CHSY3: variants seen among roughly 807,000 people sequenced by gnomAD.
CHSY3 encodes N-acetylgalactosaminyl-proteoglycan 3-beta-glucuronosyltransferase 3.
In CHSY3, 35 loss-of-function variants were observed where a neutral mutation model predicts 67.2. The ratio of observed to expected loss-of-function variants is 0.52; its 90% CI spans 0.40 to 0.69. The LOEUF (loss-of-function observed/expected upper bound fraction) is 0.69. CHSY3 is among the 30% of genes least tolerant of loss of function. The pLI, the probability that CHSY3 is intolerant of heterozygous loss-of-function variation, is 0.00. For synonymous variants in CHSY3, 474 were observed against 434.7 expected, an observed-to-expected ratio of 1.09 and a Z score of -1.12; for missense variants, 1,069 against 1,138.5, an observed-to-expected ratio of 0.94 and a Z score of 0.88.
intron 2 of CHSY3, among the ~76,000 whole-genome samples, chr5:130,181,975 T>C (rs988602978): frequency 7.5e-6 from 1 of 133,546 alleles, no homozygotes; most frequent in Non-Finnish European, 1.6e-5. Flanking sequence ...AATTATTCTA[T>C]ATATATTTAG....
rs548593485 is a variant in CHSY3, at chr5:129,918,681, T to A, written c.1086+10321T>A. Among the ~76,000 whole-genome samples the A allele has an allele frequency of 7.2e-5, 11 of 152,274 alleles. 1 individual carries two copies. In the East Asian group the frequency reaches 2.1e-3, roughly 29 times the overall value. ...AGAATAGTACACTGGATAATGTGTT[T>A]GGTTCCAGCATATGTACAGGTGGGA... is the stretch of plus-strand genomic sequence containing the variant. On this transcript the variant is annotated intron_variant, in intron 2 of 2. Coordinates refer to ENST00000305031, the MANE Select transcript of CHSY3 (RefSeq NM_175856.5).
At chr5:129,932,037 T>G (rs1230495629) in intron 2 of CHSY3, among the ~76,000 whole-genome samples, 1 of 150,650 alleles carries the variant, frequency 6.6e-6, no homozygotes, top group Non-Finnish European at 1.5e-5. Flanking sequence ...TGTATTTGTA[T>G]GTAAACAGTA....
At chr5:129,979,449 CTT>C (rs34149547) in intron 2 of CHSY3, among the ~76,000 whole-genome samples, 1 of 150,758 alleles carries the variant, frequency 6.6e-6, no homozygotes, top group Non-Finnish European at 1.5e-5. Flanking sequence ...TCTGGCCTTC[CTT>C]TTTTTTTAAA....
At chr5:129,964,473 G>A (rs1339318385) in intron 2 of CHSY3, among the ~76,000 whole-genome samples, 1 of 151,732 alleles carries the variant, frequency 6.6e-6, no homozygotes, top group Non-Finnish European at 1.5e-5. Context: ...CGAAGCTAGG[G>A]GCTAACACAG....
At chr5:129,933,602 A>G (rs991617935) in intron 2 of CHSY3, among the ~76,000 whole-genome samples, 3 of 152,164 alleles carry the variant, frequency 2.0e-5, no homozygotes, top group African/African-American at 7.2e-5. Flanking sequence ...TTGTGTACAG[A>G]ATCATTAGGT....
chr5:130,137,853 A>G (rs1378199029), intron 2 of CHSY3, among the ~76,000 whole-genome samples: 2 of 152,210 alleles, frequency 1.3e-5, no homozygotes, highest in Non-Finnish European at 1.5e-5. Flanking sequence ...TACCCAATCT[A>G]AAGAGTCCAG....
chr5:129,905,157 C>A lies in CHSY3; in HGVS notation c.328C>A (p.Gln110Lys). The A allele has an allele frequency of 4.6e-6, 7 of 1,528,046 alleles. No homozygotes were observed. The highest frequency in any genetic ancestry group is 1.2e-5 in the South Asian group (1 of 82,946). 94.7% of individuals were successfully genotyped at this position (1,528,046 alleles called of 1,614,324 possible). Residue 110 changes from glutamine to lysine, a missense_variant, in exon 1 of 3, where the codon CAG becomes AAG. Gln to Lys is a moderately conservative substitution (Grantham distance 53, BLOSUM62 1). Transcript: ENST00000305031. ...CCCCTGGCAGCAGCCACCTCCGCTG[C>A]AGCAGCGGCGGCGAGGACGCGAGCC... ...SSPWQQPPPL[Q>K]QRRRGREPEG...
intron 2 of CHSY3, among the ~76,000 whole-genome samples, chr5:130,051,921 A>G (rs1765370342): frequency 6.7e-6 from 1 of 148,582 alleles, no homozygotes; most frequent in Admixed American, 6.8e-5. Context: ...GGGAATGACA[A>G]CTGTGTGCAT....
intron 2 of CHSY3, among the ~76,000 whole-genome samples, chr5:130,065,056 G>C (rs1765839555): frequency 6.6e-6 from 1 of 152,128 alleles, no homozygotes; most frequent in Admixed American, 6.6e-5. Flanking sequence ...CTTGGTTTCT[G>C]TAACTCATTC....
chr5:129,986,216 T>C (rs538785442), intron 2 of CHSY3, among the ~76,000 whole-genome samples: 1 of 152,264 alleles, frequency 6.6e-6, no homozygotes, highest in African/African-American at 2.4e-5. Flanking sequence ...GCCTAGTTTA[T>C]TGAGGGTTTT....
At chr5:129,937,349 C>A (rs752494056) in intron 2 of CHSY3, among the ~76,000 whole-genome samples, 2 of 152,122 alleles carry the variant, frequency 1.3e-5, no homozygotes, top group Non-Finnish European at 2.9e-5. Context: ...AGAACTATAT[C>A]AGGAGACAGC....
intron 2 of CHSY3, among the ~76,000 whole-genome samples, chr5:129,938,412 C>T (rs1369381219): frequency 2.0e-5 from 3 of 152,214 alleles, no homozygotes; most frequent in Non-Finnish European, 4.4e-5. Context: ...TGAATTTCTC[C>T]CCAGAAAATG....
intron 2 of CHSY3, among the ~76,000 whole-genome samples, chr5:130,093,665 A>G (rs1233087464): frequency 6.6e-6 from 1 of 152,158 alleles, no homozygotes; most frequent in African/African-American, 2.4e-5. Flanking sequence ...ACAGAATCAC[A>G]CACAACTTGC....
intron 2 of CHSY3, chr5:130,001,604 G>A: frequency 5.8e-6 from 5 of 860,350 alleles, no homozygotes; most frequent in Non-Finnish European, 7.0e-6. Context: ...TGAGCATTCT[G>A]TGAGAATTTA....
At chr5:130,138,430 G>A (rs1189035142) in intron 2 of CHSY3, among the ~76,000 whole-genome samples, 1 of 152,212 alleles carries the variant, frequency 6.6e-6, no homozygotes. Context: ...TGGTTCTGGT[G>A]ATGGGCATGG....
At chr5:130,182,873 A>G (rs1770291360) in intron 2 of CHSY3, among the ~76,000 whole-genome samples, 1 of 149,076 alleles carries the variant, frequency 6.7e-6, no homozygotes, top group South Asian at 2.1e-4. Context: ...CAATGATTTT[A>G]TTTTTTTCTC....
intron 2 of CHSY3, among the ~76,000 whole-genome samples, chr5:130,030,358 G>A (rs1464169258): frequency 1.3e-5 from 2 of 152,060 alleles, no homozygotes. Context: ...CTATGTCAGA[G>A]ATGATACACA....
intron 2 of CHSY3, among the ~76,000 whole-genome samples, chr5:130,058,177 T>C (rs1244497001): frequency 6.6e-6 from 1 of 152,188 alleles, no homozygotes; most frequent in Admixed American, 6.5e-5. Context: ...TTAACAACAA[T>C]CTGTATTTGT....
At chr5:130,008,148 A>G (rs776079057) in intron 2 of CHSY3, among the ~76,000 whole-genome samples, 33 of 152,098 alleles carry the variant, frequency 2.2e-4, no homozygotes, top group Admixed American at 3.3e-4. Context: ...CCCTGCTGCT[A>G]TGCCAGCGCT....
Sources: allele counts gnomAD v4.1 joint callset (sites outside exome capture counted in the v4.1 genomes callset), GRCh38; gene constraint gnomAD v4.1.1; transcripts MANE v1.5; gene names NCBI Gene and HGNC (gene_info 2026-07-23, HGNC 2026-07-21).